The following MALRD1 variants were observed in gnomAD, a reference collection of about 807,000 sequenced individuals.
MALRD1 encodes the protein MAM and LDL receptor class A domain containing 1, also known as MAM and LDL-receptor class A domain-containing protein 1.
A neutral mutation model predicts 242.1 loss-of-function variants in MALRD1; 247 were observed. The ratio of observed to expected loss-of-function variants is 1.02; its 90% CI spans 0.92 to 1.13. MALRD1 has a LOEUF of 1.13. Ranked by LOEUF, MALRD1 falls within the 50% of genes most tolerant of loss-of-function variation. MALRD1 has a pLI of 0.00. For synonymous variants in MALRD1, 995 were observed against 866.6 expected (o/e 1.15, Z -2.60); for missense variants, 2,989 against 2,533.1 (o/e 1.18, Z -3.86).
rs183530970 is a variant in MALRD1 at position 19,228,075 on chromosome 10, A to G, written c.2991+18395A>G. On this transcript the variant is annotated intron_variant, in intron 18 of 39. Coordinates refer to ENST00000454679, the MANE Select transcript of MALRD1 (RefSeq NM_001142308.3). ...TCTTTTAATGTTAAACTTAGTACTG[A>G]TCATATAGCCAAGTAATTCCACTGC... Among the ~76,000 whole-genome samples, 2 of 152,280 alleles carry G rather than the reference A, an allele frequency of 1.3e-5. 1 individual carries two copies. The highest frequency in any genetic ancestry group is 3.9e-4 in the East Asian group (2 of 5,184).
At chr10:19,695,076 G>A (rs1182586267) in intron 38 of MALRD1, among the ~76,000 whole-genome samples, 1 of 152,106 alleles carries the variant, frequency 6.6e-6, no homozygotes, top group Non-Finnish European at 1.5e-5. Flanking sequence ...CTGTCATGGG[G>A]TGGGGCTAGT....
chr10:19,547,806 ATATATATATATATTT>A (rs1423097640), intron 32 of MALRD1, among the ~76,000 whole-genome samples: 3 of 13,730 alleles, frequency 2.2e-4, no homozygotes, highest in East Asian at 2.8e-3. Flanking sequence ...ATATATATAT[ATATATATATATATTT>A]TTTTTTTTTT....
intron 14 of MALRD1, among the ~76,000 whole-genome samples, chr10:19,176,316 G>A (rs1835231085): frequency 1.3e-5 from 2 of 148,876 alleles, no homozygotes; most frequent in African/African-American, 4.9e-5. Context: ...TTAATTAAAG[G>A]TCCTTTATTA....
At chr10:19,386,991 T>G (rs1846108150) in intron 26 of MALRD1, among the ~76,000 whole-genome samples, 1 of 152,180 alleles carries the variant, frequency 6.6e-6, no homozygotes, top group Non-Finnish European at 1.5e-5. Flanking sequence ...CAAATAAATA[T>G]GCATTTTAGA....
At chr10:19,212,185 T>G (rs1209311772) in intron 18 of MALRD1, among the ~76,000 whole-genome samples, 1 of 152,210 alleles carries the variant, frequency 6.6e-6, no homozygotes, top group Non-Finnish European at 1.5e-5. Context: ...ACCGAGGTGA[T>G]GGAAATATAC....
At chr10:19,278,443 G>GTCCATCCA (rs150208541) in intron 19 of MALRD1, among the ~76,000 whole-genome samples, 13,765 of 149,114 alleles carry the variant, frequency 0.092, 772 homozygotes, top group East Asian at 0.15. Context: ...TCATTCATCT[G>GTCCATCCA]TCCATCCATC....
chr10:19,593,243 C>G (rs990193832), intron 33 of MALRD1, among the ~76,000 whole-genome samples: 1 of 152,138 alleles, frequency 6.6e-6, no homozygotes, highest in Non-Finnish European at 1.5e-5. Context: ...AGCGATGTCT[C>G]CAAGTCATAC....
At chr10:19,178,280 A>C (rs1221416221) in intron 14 of MALRD1, among the ~76,000 whole-genome samples, 1 of 152,218 alleles carries the variant, frequency 6.6e-6, no homozygotes, top group Non-Finnish European at 1.5e-5. Context: ...AAGGAAAAAA[A>C]GGCATTTCTT....
At chr10:19,241,606 T>C (rs1838776679) in intron 18 of MALRD1, among the ~76,000 whole-genome samples, 1 of 152,100 alleles carries the variant, frequency 6.6e-6, no homozygotes, top group African/African-American at 2.4e-5. Context: ...GGGATTAGTT[T>C]GTTTTTGATG....
chr10:19,123,324 T>TGTGTGTGA (rs368687001), intron 5 of MALRD1, among the ~76,000 whole-genome samples, 168 bp from the exon 6 acceptor site: 3 of 150,748 alleles, frequency 2.0e-5, no homozygotes, highest in African/African-American at 7.3e-5. Context: ...TGTGTGTGTG[T>TGTGTGTGA]GAGAGAGAGA....
intron 33 of MALRD1, among the ~76,000 whole-genome samples, chr10:19,590,776 A>G (rs907738930): frequency 1.3e-5 from 2 of 152,106 alleles, no homozygotes; most frequent in Admixed American, 6.6e-5. Context: ...AGCAGAATTG[A>G]GAAGAAAATT....
At chr10:19,158,036 G>T (rs568154937) in intron 12 of MALRD1, among the ~76,000 whole-genome samples, 2 of 152,226 alleles carry the variant, frequency 1.3e-5, no homozygotes, top group African/African-American at 4.8e-5. Context: ...TGGAAAATTG[G>T]CATTTTTCTT....
intron 36 of MALRD1, among the ~76,000 whole-genome samples, chr10:19,682,608 A>C (rs1176097526): frequency 6.6e-6 from 1 of 152,226 alleles, no homozygotes; most frequent in Admixed American, 6.5e-5. Flanking sequence ...GGAAGAAATT[A>C]GTCCAAGCAA....
At chr10:19,669,963 A>G (rs2131756370) in intron 36 of MALRD1, among the ~76,000 whole-genome samples, 1 of 152,238 alleles carries the variant, frequency 6.6e-6, no homozygotes, top group East Asian at 1.9e-4. Flanking sequence ...AGAAATCCAA[A>G]TTCTTCGTCA....
At chr10:19,671,903 C>T (rs983606341) in intron 36 of MALRD1, among the ~76,000 whole-genome samples, 1 of 152,070 alleles carries the variant, frequency 6.6e-6, no homozygotes, top group Non-Finnish European at 1.5e-5. Context: ...TCTTTGGTAG[C>T]AATCAGCAAT....
chr10:19,250,363 A>G (rs537462872), intron 18 of MALRD1, among the ~76,000 whole-genome samples: 48 of 152,168 alleles, frequency 3.2e-4, no homozygotes, highest in Admixed American at 1.3e-3. Context: ...AATAGGTTCC[A>G]TATAATTTTT....
chr10:19,547,211 G>A (rs1835245689), intron 32 of MALRD1, among the ~76,000 whole-genome samples: 1 of 152,114 alleles, frequency 6.6e-6, no homozygotes, highest in Non-Finnish European at 1.5e-5. Context: ...CAAATAATGT[G>A]GGGTCAACGT....
chr10:19,139,332 A>T (rs1029200437), intron 10 of MALRD1, among the ~76,000 whole-genome samples: 1 of 152,236 alleles, frequency 6.6e-6, no homozygotes. Flanking sequence ...CATTTTACAC[A>T]TATGAAAACA....
At chr10:19,590,840 G>C (rs925541203) in intron 33 of MALRD1, among the ~76,000 whole-genome samples, 1 of 151,912 alleles carries the variant, frequency 6.6e-6, no homozygotes, top group Non-Finnish European at 1.5e-5. Flanking sequence ...TTAACATTCT[G>C]CACCAGAGTG....
Sources: allele counts gnomAD v4.1 joint callset (sites outside exome capture counted in the v4.1 genomes callset), GRCh38; gene constraint gnomAD v4.1.1; transcripts MANE v1.5; gene names NCBI Gene and HGNC (gene_info 2026-07-23, HGNC 2026-07-21).